The following GABRB2 variants were observed in gnomAD, a reference collection of about 807,000 sequenced individuals.
GABRB2 encodes the protein gamma-aminobutyric acid type A receptor subunit beta2.
GABRB2 carries 16 observed loss-of-function variants against 54.7 expected under a neutral mutation model. That is an observed-to-expected ratio of 0.29 (90% CI 0.20 to 0.44). The LOEUF (loss-of-function observed/expected upper bound fraction) is 0.44, where lower values mean the gene tolerates loss of function less well. Ranked by LOEUF, GABRB2 falls within the 20% of genes least tolerant of loss-of-function variation. GABRB2 has a pLI of 1.00. For synonymous variants in GABRB2, 244 were observed against 233.8 expected (o/e 1.04, Z -0.40); for missense variants, 355 against 644.0 (o/e 0.55, Z 4.86).
intron 5 of GABRB2, among the ~76,000 whole-genome samples, chr5:161,394,530 T>C (rs961818093): frequency 2.2e-4 from 33 of 152,118 alleles, no homozygotes; most frequent in South Asian, 4.1e-4. Flanking sequence ...ACAGACACTA[T>C]AGACATTAAA....
At chr5:161,438,064 A>G (rs1757360495) in intron 4 of GABRB2, among the ~76,000 whole-genome samples, 1 of 152,202 alleles carries the variant, frequency 6.6e-6, no homozygotes, top group Admixed American at 6.5e-5. Flanking sequence ...GGCAGAAGCC[A>G]GGGAGTGGCT....
At chr5:161,540,616 C>T (rs779025668) in intron 3 of GABRB2, among the ~76,000 whole-genome samples, 1 of 152,062 alleles carries the variant, frequency 6.6e-6, no homozygotes, top group African/African-American at 2.4e-5. Context: ...GGAATCACTG[C>T]CTATGGTAAC....
At chr5:161,304,005 C>G in intron 9 of GABRB2, among the ~76,000 whole-genome samples, 1 of 152,046 alleles carries the variant, frequency 6.6e-6, no homozygotes, top group Non-Finnish European at 1.5e-5. Context: ...TGACCATTAC[C>G]GTTGGTACAA....
intron 5 of GABRB2, among the ~76,000 whole-genome samples, chr5:161,338,382 C>A (rs946046167): frequency 1.3e-5 from 2 of 152,114 alleles, no homozygotes; most frequent in Admixed American, 6.6e-5. Flanking sequence ...ATATTGAAAT[C>A]AAAATTGCAG....
chr5:161,302,563 A>G (rs1757569972), intron 9 of GABRB2, among the ~76,000 whole-genome samples: 2 of 152,218 alleles, frequency 1.3e-5, no homozygotes, highest in Admixed American at 1.3e-4. Flanking sequence ...CAAGTTCACC[A>G]GTCATATCAT....
chr5:161,424,584 T>C (rs150055742), intron 4 of GABRB2, among the ~76,000 whole-genome samples: 1 of 152,246 alleles, frequency 6.6e-6, no homozygotes, highest in East Asian at 1.9e-4. Context: ...TCAGAAAACA[T>C]AGGTTCCTTT....
chr5:161,423,819 A>C (rs1756921754), intron 4 of GABRB2, among the ~76,000 whole-genome samples: 1 of 152,176 alleles, frequency 6.6e-6, no homozygotes, highest in South Asian at 2.1e-4. Context: ...CTTGTGCCAC[A>C]AAGCCATGTT....
chr5:161,350,592 G>C (rs2113433593), intron 5 of GABRB2, among the ~76,000 whole-genome samples: 1 of 152,200 alleles, frequency 6.6e-6, no homozygotes, highest in African/African-American at 2.4e-5. Flanking sequence ...GTGTCAACCT[G>C]ACTGGATTGA....
intron 4 of GABRB2, among the ~76,000 whole-genome samples, chr5:161,436,562 G>A (rs983619091): frequency 1.1e-4 from 17 of 151,366 alleles, no homozygotes; most frequent in South Asian, 2.1e-4. Flanking sequence ...GAATGATTGA[G>A]GGAGGTGGAG....
At chr5:161,463,542 C>A (rs2113275526) in intron 3 of GABRB2, among the ~76,000 whole-genome samples, 1 of 74,852 alleles carries the variant, frequency 1.3e-5, no homozygotes, top group African/African-American at 5.2e-5. Context: ...AAGGTGATTC[C>A]AAATATTTTT....
At chr5:161,507,459 G>A (rs537337132) in intron 3 of GABRB2, among the ~76,000 whole-genome samples, 1 of 152,142 alleles carries the variant, frequency 6.6e-6, no homozygotes, top group South Asian at 2.1e-4. Context: ...TCTTCTGTAA[G>A]TCTAAAATTA....
chr5:161,479,960 G>T (rs1262711159), intron 3 of GABRB2, among the ~76,000 whole-genome samples: 1 of 152,124 alleles, frequency 6.6e-6, no homozygotes, highest in Middle Eastern at 3.4e-3. Context: ...TATACTACAT[G>T]AGTATATGTG....
At chr5:161,480,033 T>C (rs1337985114) in intron 3 of GABRB2, among the ~76,000 whole-genome samples, 2 of 152,244 alleles carry the variant, frequency 1.3e-5, no homozygotes, top group African/African-American at 4.8e-5. Context: ...GTGAGGCCAC[T>C]ACACTTTTTC....
rs541819878 is a variant in GABRB2 at position 161,437,327 on chromosome 5, C to T, written c.458+22297G>A. Among the ~76,000 whole-genome samples the T allele has an allele frequency of 1.3e-5, 2 of 152,118 alleles. 1 individual carries two copies. The highest frequency in any genetic ancestry group is 4.2e-4 in the South Asian group (2 of 4,810). On this transcript the variant is annotated intron_variant, in intron 4 of 9. Coordinates refer to ENST00000393959, the MANE Select transcript of GABRB2 (RefSeq NM_001371727.1). ...AGCCCAGCCACAGCAGGATAGGCCACTGGTCAGAGTTATGAGGCCCCCATT... is the reference window on the plus strand; with the variant it reads ...AGCCCAGCCACAGCAGGATAGGCCATTGGTCAGAGTTATGAGGCCCCCATT...
At position 161,414,235 on chromosome 5, in the gene GABRB2, C is replaced by G. The variant is rs145960370; in HGVS notation, c.459-3178G>C. 2.0e-5 allele frequency among the ~76,000 whole-genome samples: 3 copies of G among 152,254 alleles called. No homozygotes were observed. The East Asian group carries it at 5.8e-4, about 29-fold the overall frequency. On this transcript the variant is annotated intron_variant, in intron 4 of 9. Coordinates refer to ENST00000393959, the MANE Select transcript of GABRB2 (RefSeq NM_001371727.1). ...TGATCATATGGTCGATGATGAGTAA[C>G]AGACAAGTCATTGTATTCTCTGACA...
chr5:161,439,523 G>A (rs1757401584), intron 4 of GABRB2, among the ~76,000 whole-genome samples: 1 of 150,892 alleles, frequency 6.6e-6, no homozygotes, highest in African/African-American at 2.4e-5. Flanking sequence ...AATGTAACTG[G>A]GGTGTGTAAG....
chr5:161,387,993 A>ATG (rs1755699203), intron 5 of GABRB2, among the ~76,000 whole-genome samples: 3 of 152,150 alleles, frequency 2.0e-5, no homozygotes, highest in Admixed American at 2.0e-4. Context: ...GTAAAAAAAA[A>ATG]TGTAGGTTGG....
chr5:161,439,286 T>C (rs891685337), intron 4 of GABRB2, among the ~76,000 whole-genome samples: 3 of 152,164 alleles, frequency 2.0e-5, no homozygotes, highest in African/African-American at 7.2e-5. Flanking sequence ...TAGGCTAAAA[T>C]TGTGTATCCA....
At chr5:161,401,083 G>T (rs1226945429) in intron 5 of GABRB2, among the ~76,000 whole-genome samples, 3 of 152,104 alleles carry the variant, frequency 2.0e-5, no homozygotes, top group African/African-American at 7.2e-5. Context: ...GGATGATACA[G>T]GTAGTCTACC....
Sources: allele counts gnomAD v4.1 joint callset (sites outside exome capture counted in the v4.1 genomes callset), GRCh38; gene constraint gnomAD v4.1.1; transcripts MANE v1.5; gene names NCBI Gene and HGNC (gene_info 2026-07-23, HGNC 2026-07-21).